ABCA13: variants seen among roughly 807,000 people sequenced by gnomAD.
The protein encoded by ABCA13 is ATP-binding cassette sub-family A member 13.
In ABCA13, 476 loss-of-function variants were observed where a neutral mutation model predicts 478.7. The ratio of observed to expected loss-of-function variants is 0.99; its 90% CI spans 0.92 to 1.07. ABCA13 has a LOEUF of 1.07. Among genes scored for constraint, ABCA13 ranks in the 50% least tolerant of loss-of-function variants. The pLI is 0.00. For synonymous variants in ABCA13, 2,252 were observed against 2,158.9 expected (o/e 1.04, Z -1.20); for missense variants, 6,060 against 5,910.6 (o/e 1.03, Z -0.83).
chr7:48,398,588 A>G (rs923778866), intron 38 of ABCA13, among the ~76,000 whole-genome samples: 1 of 152,208 alleles, frequency 6.6e-6, no homozygotes, highest in Admixed American at 6.5e-5. Flanking sequence ...ACATGTGTCA[A>G]GATTCAGATC....
Position 48,273,221 on chromosome 7 carries a change from A to T in ABCA13, c.3555A>T (p.Glu1185Asp). The stretch of plus-strand genomic sequence containing the variant: ...ATGGTTTCACTCAGCTTTTGGATGA[A>T]TTGGAAGATGATGTGAAAGTCTCTA... ...LHHGFTQLLDELEDDVKVSKS... is the reference protein window; with the variant it reads ...LHHGFTQLLDDLEDDVKVSKS... Residue 1185 changes from glutamate (E) to aspartate (D), a missense_variant, in exon 17 of 62, where the codon GAA (glutamate) becomes GAT (aspartate). This residue lies in a region of ABCA13 where 4,423 missense variants were observed against 4,309.1 expected (regional missense o/e 1.03). Coordinates refer to ENST00000435803, the MANE Select transcript of ABCA13 (RefSeq NM_152701.5). The T allele has an allele frequency of 1.2e-6, 2 of 1,613,666 alleles. No individual in the cohort carries two copies. The highest frequency in any genetic ancestry group is 1.7e-6 in the Non-Finnish European group (2 of 1,179,746).
intron 39 of ABCA13, among the ~76,000 whole-genome samples, chr7:48,406,896 A>G (rs375353744): frequency 5.3e-4 from 81 of 151,742 alleles, no homozygotes; most frequent in East Asian, 5.2e-3. Context: ...ATAAATAAAT[A>G]AAAATAAAAT....
At chr7:48,352,762 G>A (rs1028837796) in intron 31 of ABCA13, among the ~76,000 whole-genome samples, 9 of 152,080 alleles carry the variant, frequency 5.9e-5, no homozygotes, top group Non-Finnish European at 1.3e-4. Flanking sequence ...TAAATTTGAT[G>A]AATAACATTC....
Position 48,643,326 on chromosome 7 carries a change from A to G in ABCA13, c.14876A>G (p.Lys4959Arg). ...TATACAGTCAAAGTTTGGCTCTGTA[A>G]GGAAGCAAATCAACATTGCACTGTT... The part of the protein sequence containing the change: ...DGYTVKVWLC[K>R]EANQHCTVSD... Residue 4959 changes from lysine (K) to arginine (R), a missense_variant, in exon 60 of 62, where the codon AAG (lysine) becomes AGG (arginine). By Grantham distance (26) the Lys-to-Arg change is conservative (BLOSUM62 2). Coordinates refer to ENST00000435803, the MANE Select transcript of ABCA13 (RefSeq NM_152701.5). 1 of 1,613,286 alleles carries G rather than the reference A, an allele frequency of 6.2e-7. No homozygotes were observed. The highest frequency in any genetic ancestry group is 8.5e-7 in the Non-Finnish European group (1 of 1,179,616).
intron 9 of ABCA13, among the ~76,000 whole-genome samples, chr7:48,240,630 A>T (rs1441151407): frequency 6.6e-6 from 1 of 152,158 alleles, no homozygotes; most frequent in Non-Finnish European, 1.5e-5. Context: ...TTTGGGGGAA[A>T]AAAGAGAAAT....
chr7:48,566,537 A>T lies in ABCA13; in HGVS notation c.14355-13687A>T, dbSNP rs146407608. Among the ~76,000 whole-genome samples the T allele has an allele frequency of 9.6e-4, 146 of 152,300 alleles. 1 individual carries two copies. The highest frequency in any genetic ancestry group is 3.4e-3 in the African/African-American group (142 of 41,562). On this transcript the variant is annotated intron_variant, in intron 55 of 61. Transcript: ENST00000435803. ...GAGATAGATTAGAAGATTTATATAG[A>T]TGAGCTCACTTCTTCTAGGTCAGTC...
At chr7:48,505,595 C>G (rs1831134649) in intron 48 of ABCA13, among the ~76,000 whole-genome samples, 1 of 152,144 alleles carries the variant, frequency 6.6e-6, no homozygotes, top group Non-Finnish European at 1.5e-5. Context: ...ACATTTGACT[C>G]CAATCACTGA....
At position 48,310,072 on chromosome 7, in the gene ABCA13, A is replaced by G. The variant is rs201367951; in HGVS notation, c.9447A>G (p.Pro3149=). Residue 3149 remains proline, a synonymous_variant, in exon 24 of 62, where the codon CCA becomes CCG. Transcript: ENST00000435803. The part of the protein sequence containing the change: ...WIAAEELCSL[P]GSKVYSLIVL... ...CAGCGGAGGAACTCTGTAGCCTGCC[A>G]GGGTCAAAAGTGTATTCTCTGATTG... The G allele has an allele frequency of 2.8e-5, 45 of 1,613,774 alleles. No homozygotes were observed. The highest frequency in any genetic ancestry group is 1.6e-4 in the Middle Eastern group (1 of 6,078).
chr7:48,360,916 CA>C (rs1258577644), intron 31 of ABCA13, among the ~76,000 whole-genome samples: 1 of 151,780 alleles, frequency 6.6e-6, no homozygotes, highest in Non-Finnish European at 1.5e-5. Flanking sequence ...GACAGCATAG[CA>C]AGACCCCATC....
chr7:48,274,400 A>G lies in ABCA13; in HGVS notation c.4734A>G (p.Leu1578=), dbSNP rs1796019640. The change falls in exon 17 of 62, where the codon TTA becomes TTG. Residue 1578 remains leucine, a synonymous_variant. Coordinates refer to ENST00000435803, the MANE Select transcript of ABCA13 (RefSeq NM_152701.5). ...CCTCTTCTAAAACTGAAAACTTGTT[A>G]AACATATTTGCCACCAGTCCAAAAG... is the stretch of plus-strand genomic sequence containing the variant. ...NNSSSKTENL[L]NIFATSPKEK... 6.2e-7 allele frequency: 1 copy of G among 1,612,652 alleles called. No individual in the cohort carries two copies. The highest frequency in any genetic ancestry group is 1.3e-5 in the African/African-American group (1 of 74,802).
intron 1 of ABCA13, among the ~76,000 whole-genome samples, chr7:48,191,763 A>T (rs1388015861): frequency 6.6e-6 from 1 of 152,140 alleles, no homozygotes; most frequent in African/African-American, 2.4e-5. Context: ...AAACTCTTTT[A>T]CACCTGTGTT....
At chr7:48,203,405 AGTAG>A (rs374524806) in intron 3 of ABCA13, among the ~76,000 whole-genome samples, 326 of 152,342 alleles carry the variant, frequency 2.1e-3, no homozygotes, top group African/African-American at 7.3e-3. Flanking sequence ...GTGCCACCAA[AGTAG>A]GAGCCCAGGC....
chr7:48,199,836 G>T (rs1473335413), intron 3 of ABCA13, among the ~76,000 whole-genome samples: 1 of 152,148 alleles, frequency 6.6e-6, no homozygotes, highest in Non-Finnish European at 1.5e-5. Context: ...TTTAAATGAT[G>T]TTGAAGTGGG....
intron 30 of ABCA13, 146 bp downstream of exon 30, chr7:48,350,965 T>G: frequency 1.1e-6 from 1 of 911,628 alleles, no homozygotes; most frequent in Non-Finnish European, 1.6e-6. Context: ...AGCAGAACTG[T>G]TTACCTTGGA....
chr7:48,483,255 AC>A, intron 47 of ABCA13, 92 bp downstream of exon 47: 3 of 1,095,672 alleles, frequency 2.7e-6, no homozygotes, highest in Non-Finnish European at 4.0e-6. Flanking sequence ...GTTCAGAAGG[AC>A]CAGATTAAAT....
chr7:48,385,342 A>C (rs1563164193), intron 35 of ABCA13, among the ~76,000 whole-genome samples: 3 of 152,108 alleles, frequency 2.0e-5, no homozygotes. Context: ...CCCGCAGTGC[A>C]TGTTGTTCAT....
chr7:48,580,377 A>G lies in ABCA13; in HGVS notation c.14505+3A>G, dbSNP rs1323380102. The G allele has an allele frequency of 8.7e-6, 14 of 1,610,394 alleles. No individual in the cohort carries two copies. Among genetic ancestry groups the G allele is most frequent in the Non-Finnish European group, 1.2e-5 (14 of 1,178,340 alleles). ...TTCCAAGGCAGTGCATCCCTGAGGT[A>G]AATCTCCCTGGGGTCTTCTAGATAA... On this transcript the variant is annotated splice_donor_region_variant and intron_variant, in intron 56 of 61. Transcript: ENST00000435803.
At chr7:48,259,887 A>G (rs150711934) in intron 15 of ABCA13, among the ~76,000 whole-genome samples, 26 of 151,934 alleles carry the variant, frequency 1.7e-4, no homozygotes, top group African/African-American at 6.0e-4. Context: ...TTATTTCCTT[A>G]GCTTGGTCTG....
chr7:48,274,940 G>A lies in ABCA13; in HGVS notation c.5274G>A (p.Gln1758=). Residue 1758 remains glutamine, a synonymous_variant, in exon 17 of 62, where the codon CAG becomes CAA. Coordinates refer to ENST00000435803, the MANE Select transcript of ABCA13 (RefSeq NM_152701.5). ...YVLPHAVRLL[Q]GVPGKNITEG... is the part of the protein sequence containing the mutation. ...TTCCTCATGCTGTAAGGCTCCTGCA[G>A]GGAGTACCTGGTAAAAACATCACTG... 5 of 1,613,818 alleles carry A rather than the reference G, an allele frequency of 3.1e-6. No individual in the cohort carries two copies. The highest frequency in any genetic ancestry group is 3.4e-6 in the Non-Finnish European group (4 of 1,179,728).
Sources: gnomAD v4.1 joint callset for allele counts (sites outside exome capture counted in the v4.1 genomes callset) on GRCh38, gnomAD v4.1.1 for gene constraint, gnomAD v4.1.1 regional missense constraint, MANE v1.5 for transcripts, NCBI Gene and HGNC (gene_info 2026-07-23, HGNC 2026-07-21) for gene names.